STAM: variants seen among roughly 807,000 people sequenced by gnomAD.
STAM encodes signal transducing adaptor molecule, also known as signal transducing adapter molecule 1.
Under a neutral mutation model 63.4 loss-of-function variants are expected in STAM, and 16 were observed. The observed-to-expected ratio is 0.25, with a 90% CI of 0.17 to 0.38. The LOEUF (loss-of-function observed/expected upper bound fraction) is 0.38, where lower values mean the gene tolerates loss of function less well. Ranked by LOEUF, STAM falls within the 10% of genes least tolerant of loss-of-function variation. The pLI is 1.00. For synonymous variants in STAM, 238 were observed against 223.9 expected, an observed-to-expected ratio of 1.06 and a Z score of -0.56; for missense variants, 636 against 657.1, an observed-to-expected ratio of 0.97 and a Z score of 0.35.
At chr10:17,702,421 G>C (rs1564567380) in intron 9 of STAM, among the ~76,000 whole-genome samples, 1 of 152,148 alleles carries the variant, frequency 6.6e-6, no homozygotes, top group African/African-American at 2.4e-5. Context: ...GTAATGGTGA[G>C]TGCAGATTGC....
intron 5 of STAM, among the ~76,000 whole-genome samples, chr10:17,690,736 AT>A (rs1229462542): frequency 6.6e-6 from 1 of 152,194 alleles, no homozygotes; most frequent in African/African-American, 2.4e-5. Context: ...ACAGAAGAAA[AT>A]AATGTAAAAA....
At chr10:17,693,119 T>A in intron 5 of STAM, 103 bp from the exon 6 acceptor site, 2 of 838,366 alleles carry the variant, frequency 2.4e-6, no homozygotes, top group Non-Finnish European at 3.7e-6. Context: ...CTTTCAGAAA[T>A]CTGTGCTAGA....
intron 2 of STAM, among the ~76,000 whole-genome samples, chr10:17,667,664 C>T (rs1476758745): frequency 1.3e-5 from 2 of 152,146 alleles, no homozygotes; most frequent in South Asian, 2.1e-4. Flanking sequence ...CAGATACTAA[C>T]AGATGATGGT....
chr10:17,657,167 T>G (rs1431065381), intron 1 of STAM, among the ~76,000 whole-genome samples: 2 of 152,288 alleles, frequency 1.3e-5, no homozygotes, highest in East Asian at 3.9e-4. Context: ...GGAGCCCCCT[T>G]TTTTGCTTCT....
At chr10:17,668,499 G>A (rs992916826) in intron 2 of STAM, among the ~76,000 whole-genome samples, 1 of 152,152 alleles carries the variant, frequency 6.6e-6, no homozygotes, top group Non-Finnish European at 1.5e-5. Context: ...AGGTCAATGG[G>A]TTTTGACAGT....
chr10:17,711,699 G>A (rs1247903921), intron 13 of STAM, among the ~76,000 whole-genome samples: 1 of 152,212 alleles, frequency 6.6e-6, no homozygotes, highest in Non-Finnish European at 1.5e-5. Context: ...GGCGTGGTAT[G>A]TATCGGCATT....
intron 2 of STAM, among the ~76,000 whole-genome samples, chr10:17,674,368 G>A (rs1490542484): frequency 3.9e-5 from 6 of 152,144 alleles, no homozygotes; most frequent in Admixed American, 3.3e-4. Context: ...GGCAGTTCTT[G>A]CGTGGGGTCT....
chr10:17,663,673 A>G (rs1554823124), intron 2 of STAM, among the ~76,000 whole-genome samples: 2 of 152,116 alleles, frequency 1.3e-5, no homozygotes, highest in East Asian at 3.8e-4. Context: ...GTGTGCATAA[A>G]TGGGATATCT....
At chr10:17,682,907 G>A (rs1554825558) in intron 2 of STAM, among the ~76,000 whole-genome samples, 1 of 152,032 alleles carries the variant, frequency 6.6e-6, no homozygotes, top group Non-Finnish European at 1.5e-5. Context: ...ATATTTTGAA[G>A]TTCTATTTTT....
intron 13 of STAM, among the ~76,000 whole-genome samples, chr10:17,713,251 C>A (rs959704662): frequency 6.6e-6 from 1 of 152,146 alleles, no homozygotes; most frequent in African/African-American, 2.4e-5. Flanking sequence ...GATGGACTGC[C>A]TTTTTCTCTG....
intron 7 of STAM, chr10:17,696,025 G>C (rs1554827419): frequency 1.3e-5 from 2 of 152,110 alleles, no homozygotes; most frequent in Non-Finnish European, 2.9e-5. Flanking sequence ...GCCCTCTGGG[G>C]TCTCTTTTAT....
At chr10:17,665,023 T>C (rs1834320034) in intron 2 of STAM, among the ~76,000 whole-genome samples, 1 of 152,134 alleles carries the variant, frequency 6.6e-6, no homozygotes. Flanking sequence ...TCTTTTGGCT[T>C]CTTTTTTTAA....
At position 17,687,115 on chromosome 10, in the gene STAM, G is replaced by T. The variant is rs140486720; in HGVS notation, c.298-912G>T. Among the ~76,000 whole-genome samples, 166 of 152,204 alleles carry T rather than the reference G, an allele frequency of 1.1e-3. 1 individual carries two copies. Among genetic ancestry groups the T allele is most frequent in the African/African-American group, 3.9e-3 (160 of 41,516 alleles). Reference sequence around the variant, plus strand: ...ATTTATCTCTTTCTTTAATACGGAAGAATAATGCCCTGCACACCTGCCTTA... The same window carrying T: ...ATTTATCTCTTTCTTTAATACGGAATAATAATGCCCTGCACACCTGCCTTA... On this transcript the variant is annotated intron_variant, in intron 4 of 13. Transcript: ENST00000377524.
chr10:17,666,934 A>G (rs1217118577), intron 2 of STAM, among the ~76,000 whole-genome samples: 1 of 152,114 alleles, frequency 6.6e-6, no homozygotes, highest in Non-Finnish European at 1.5e-5. Context: ...ATGCTCTTTT[A>G]AGAATAATCG....
At chr10:17,653,098 C>T (rs1370064497) in intron 1 of STAM, among the ~76,000 whole-genome samples, 1 of 152,100 alleles carries the variant, frequency 6.6e-6, no homozygotes, top group African/African-American at 2.4e-5. Context: ...GAAGGACTAA[C>T]CATGTGATTA....
rs782450389 is a variant in STAM at position 17,684,943 on chromosome 10, T to C, written c.297+16T>C. 6.9e-6 allele frequency: 11 copies of C among 1,587,944 alleles called. No homozygotes were observed. Among genetic ancestry groups the C allele is most frequent in the Middle Eastern group, 3.4e-4 (2 of 5,836 alleles). On this transcript the variant is annotated intron_variant, in intron 4 of 13. Transcript: ENST00000377524. ...ATTAAATAAGGTAAGGAGCATTATT[T>C]CCAGAAATTAATTAAGGCAGTCTTC...
At chr10:17,666,385 G>GTGTTTTTTTTTTTTTTTT (rs1425682476) in intron 2 of STAM, among the ~76,000 whole-genome samples, 1 of 102,298 alleles carries the variant, frequency 9.8e-6, no homozygotes, top group African/African-American at 3.8e-5. Flanking sequence ...CCTTGGCTTT[G>GTGTTTTTTTTTTTTTTTT]TATTTTTTTT....
At position 17,671,724 on chromosome 10, in the gene STAM, C is replaced by G. The variant is rs192799418; in HGVS notation, c.125+11176C>G. On this transcript the variant is annotated intron_variant, in intron 2 of 13. Transcript: ENST00000377524. ...TAACCATGCAAACATATTTGTTAAC[C>G]ATGTTTTTTATTATTGCTATTGATA... 2.0e-3 allele frequency among the ~76,000 whole-genome samples: 302 copies of G among 152,160 alleles called. 1 individual carries two copies. Among genetic ancestry groups the G allele is most frequent in the African/African-American group, 6.9e-3 (285 of 41,504 alleles).
At chr10:17,702,183 C>G (rs1318222734) in intron 9 of STAM, among the ~76,000 whole-genome samples, 1 of 151,922 alleles carries the variant, frequency 6.6e-6, no homozygotes, top group Non-Finnish European at 1.5e-5. Flanking sequence ...TTGTTTTGAC[C>G]CTTTGCATAT....
Sources: allele counts gnomAD v4.1 joint callset (sites outside exome capture counted in the v4.1 genomes callset), GRCh38; gene constraint gnomAD v4.1.1; transcripts MANE v1.5; gene names NCBI Gene and HGNC (gene_info 2026-07-23, HGNC 2026-07-21).